HYDIN: variants seen among roughly 807,000 people sequenced by gnomAD.
The protein encoded by HYDIN is axonemal central pair apparatus protein HYDIN.
In HYDIN, 132 loss-of-function variants were observed where a neutral mutation model predicts 403.9. That is an observed-to-expected ratio of 0.33 (90% CI 0.28 to 0.38). The LOEUF is 0.38. Among genes scored for constraint, HYDIN ranks in the 10% least tolerant of loss-of-function variants. HYDIN has a pLI of 1.00. For synonymous variants in HYDIN, 1,202 were observed against 1,891.7 expected (o/e 0.64, Z 9.46); for missense variants, 2,827 against 5,009.5 (o/e 0.56, Z 13.15).
At chr16:71,022,268 G>C (rs567476956) in intron 21 of HYDIN, among the ~76,000 whole-genome samples, 1 of 152,268 alleles carries the variant, frequency 6.6e-6, no homozygotes, top group Admixed American at 6.5e-5. Flanking sequence ...AGCACAGAGA[G>C]GCCATTCTAT....
intron 65 of HYDIN, among the ~76,000 whole-genome samples, chr16:70,870,769 C>T (rs2040043818): frequency 6.6e-6 from 1 of 150,808 alleles, no homozygotes; most frequent in South Asian, 2.1e-4. Context: ...GTGGCTCATG[C>T]CTATAATCCC....
intron 61 of HYDIN, 35 bp downstream of exon 61, chr16:70,879,570 T>C: frequency 1.2e-6 from 2 of 1,610,992 alleles, no homozygotes; most frequent in Non-Finnish European, 8.5e-7. Context: ...GCAGTCCTGC[T>C]GCAGGAGAGG....
intron 44 of HYDIN, among the ~76,000 whole-genome samples, chr16:70,937,895 A>AGGAC (rs2077541985): frequency 6.6e-6 from 1 of 151,878 alleles, no homozygotes; most frequent in African/African-American, 2.4e-5. Context: ...GAGGGCAGAA[A>AGGAC]GGACACATGT....
chr16:70,902,392 G>A (rs1490631070), intron 52 of HYDIN, among the ~76,000 whole-genome samples: 2 of 146,882 alleles, frequency 1.4e-5, no homozygotes, highest in African/African-American at 2.6e-5. Context: ...GTGAATTACC[G>A]GAGCTCAGGA....
At chr16:71,006,879 G>A (rs1480989693) in intron 23 of HYDIN, among the ~76,000 whole-genome samples, 1 of 152,132 alleles carries the variant, frequency 6.6e-6, no homozygotes, top group African/African-American at 2.4e-5. Context: ...GGAACAAACA[G>A]TAGCTGTGGA....
chr16:70,847,890 CCTT>C (rs900719264), intron 75 of HYDIN, among the ~76,000 whole-genome samples: 1 of 151,280 alleles, frequency 6.6e-6, no homozygotes, highest in Non-Finnish European at 1.5e-5. Context: ...TCTCTTCTCT[CCTT>C]CTGAGATTCC....
chr16:70,834,302 T>C, intron 78 of HYDIN, 138 bp from the exon 79 acceptor site: 1 of 588,688 alleles, frequency 1.7e-6, no homozygotes, highest in Non-Finnish European at 3.0e-6. Context: ...TATGCTTTGG[T>C]AAATTACTTC....
At position 70,808,075 on chromosome 16, in the gene HYDIN, C is replaced by G; in HGVS notation, c.14884-13G>C. 1 of 1,580,272 alleles carries G rather than the reference C, an allele frequency of 6.3e-7. No individual in the cohort carries two copies. Among genetic ancestry groups the G allele is most frequent in the African/African-American group, 1.3e-5 (1 of 74,372 alleles). ...CTGTACAGTCGGTCTGAAAGGGGAA[C>G]AAACAAACTCAGCTCACGTGAGATC... On this transcript the variant is annotated splice_polypyrimidine_tract_variant and intron_variant, in intron 85 of 85. Coordinates refer to ENST00000393567, the MANE Select transcript of HYDIN (RefSeq NM_001270974.2).
At chr16:71,204,421 G>T (rs2088186093) in intron 1 of HYDIN, among the ~76,000 whole-genome samples, 2 of 152,212 alleles carry the variant, frequency 1.3e-5, no homozygotes, top group African/African-American at 2.4e-5. Context: ...AGCCATTAGG[G>T]ATGTGGCAAT....
chr16:71,186,476 T>C (rs969904204), intron 2 of HYDIN, among the ~76,000 whole-genome samples: 2 of 152,170 alleles, frequency 1.3e-5, no homozygotes, highest in African/African-American at 4.8e-5. Context: ...CAGTTTGTCA[T>C]GGTGCTACCT....
Position 70,952,625 on chromosome 16 carries a change from T to C in HYDIN, c.6327A>G (p.Ala2109=). The C allele has an allele frequency of 6.2e-7, 1 of 1,611,380 alleles. No homozygotes were observed. Among genetic ancestry groups the C allele is most frequent in the Non-Finnish European group, 8.5e-7 (1 of 1,178,974 alleles). The change falls in exon 41 of 86, where the codon GCA becomes GCG. Residue 2109 remains alanine (A), a synonymous_variant. Coordinates refer to ENST00000393567, the MANE Select transcript of HYDIN (RefSeq NM_001270974.2). ...VKEGEEAAQE[A]AVGQNVIGQG... ...GCCCTATGACGTTTTGACCCACAGCTGCCTCCTGGGCTATAAGGAGAGGGT... is the reference window on the plus strand; with the variant it reads ...GCCCTATGACGTTTTGACCCACAGCCGCCTCCTGGGCTATAAGGAGAGGGT...
chr16:71,048,980 G>A (rs1314234190), intron 18 of HYDIN, among the ~76,000 whole-genome samples: 1 of 152,190 alleles, frequency 6.6e-6, no homozygotes, highest in Admixed American at 6.5e-5. Flanking sequence ...TAGTTAAGAG[G>A]GCTGACTATA....
At chr16:70,910,201 A>G (rs1227425922) in intron 47 of HYDIN, among the ~76,000 whole-genome samples, 1 of 152,132 alleles carries the variant, frequency 6.6e-6, no homozygotes, top group Non-Finnish European at 1.5e-5. Flanking sequence ...AGCAGTATAC[A>G]CTGCACCCTA....
At chr16:71,215,159 G>C (rs1285909290) in intron 1 of HYDIN, among the ~76,000 whole-genome samples, 1 of 151,880 alleles carries the variant, frequency 6.6e-6, no homozygotes, top group East Asian at 1.9e-4. Context: ...AAACTAATTA[G>C]TCACCTTTAG....
chr16:70,979,472 C>T (rs2078980600), intron 29 of HYDIN, among the ~76,000 whole-genome samples: 1 of 152,042 alleles, frequency 6.6e-6, no homozygotes, highest in Non-Finnish European at 1.5e-5. Flanking sequence ...TCTCAATTAA[C>T]AAAAGATATG....
intron 7 of HYDIN, among the ~76,000 whole-genome samples, chr16:71,148,745 A>T (rs1249265905): frequency 6.9e-6 from 1 of 144,796 alleles, no homozygotes; most frequent in African/African-American, 2.8e-5. Flanking sequence ...TTATATAAAG[A>T]ATATATATAT....
At position 70,947,521 on chromosome 16, in the gene HYDIN, C is replaced by T. The variant is rs1219714621; in HGVS notation, c.6532-3572G>A. ...ATTCTCTTTTTTGGTTGTGTCTCTGCCCGGCTTTGGTATCAGGATGATGCT... is the reference window on the plus strand; with the variant it reads ...ATTCTCTTTTTTGGTTGTGTCTCTGTCCGGCTTTGGTATCAGGATGATGCT... On this transcript the variant is annotated intron_variant, in intron 41 of 85. Transcript: ENST00000393567. Among the ~76,000 whole-genome samples, 106 of 151,350 alleles carry T rather than the reference C, an allele frequency of 7.0e-4. No individual in the cohort carries two copies. In the Middle Eastern group the frequency reaches 0.014, roughly 20 times the overall value.
chr16:70,843,039 A>T (rs1447731275), intron 75 of HYDIN, among the ~76,000 whole-genome samples: 2 of 150,852 alleles, frequency 1.3e-5, no homozygotes, highest in Non-Finnish European at 1.5e-5. Context: ...TTATTTATTT[A>T]TTTATTCTTT....
At chr16:71,196,881 G>A (rs1567439312) in intron 1 of HYDIN, among the ~76,000 whole-genome samples, 1 of 152,140 alleles carries the variant, frequency 6.6e-6, no homozygotes, top group Admixed American at 6.5e-5. Flanking sequence ...GTCTAAAAAG[G>A]GGAGGCATGA....
Sources: allele counts gnomAD v4.1 joint callset (sites outside exome capture counted in the v4.1 genomes callset), GRCh38; gene constraint gnomAD v4.1.1; transcripts MANE v1.5; gene names NCBI Gene and HGNC (gene_info 2026-07-23, HGNC 2026-07-21).